NR1H4: variants seen among roughly 807,000 people sequenced by gnomAD.
The protein encoded by NR1H4 is bile acid receptor.
A neutral mutation model predicts 58.5 loss-of-function variants in NR1H4; 23 were observed. The ratio of observed to expected loss-of-function variants is 0.39; its 90% confidence interval spans 0.28 to 0.56. The LOEUF is 0.56. Ranked by LOEUF, NR1H4 falls within the 20% of genes least tolerant of loss-of-function variation. The pLI is 0.58. For synonymous variants in NR1H4, 214 were observed against 198.0 expected (o/e 1.08, Z -0.68); for missense variants, 487 against 576.9 (o/e 0.84, Z 1.60).
chr12:100,495,000 A>C (rs1829293323), intron 3 of NR1H4, among the ~76,000 whole-genome samples: 1 of 152,240 alleles, frequency 6.6e-6, no homozygotes, highest in Non-Finnish European at 1.5e-5. Flanking sequence ...ATTTTCAGCC[A>C]GCACAGAAGA....
At chr12:100,544,231 G>C (rs1406561970) in intron 9 of NR1H4, among the ~76,000 whole-genome samples, 1 of 129,588 alleles carries the variant, frequency 7.7e-6, no homozygotes, top group Non-Finnish European at 1.5e-5. Context: ...CAGCCTGGGG[G>C]ACAGAGTGAG....
At chr12:100,555,050 C>G (rs566667232) in intron 9 of NR1H4, among the ~76,000 whole-genome samples, 26 of 152,258 alleles carry the variant, frequency 1.7e-4, no homozygotes, top group Non-Finnish European at 2.9e-4. Flanking sequence ...AAACTTTAAC[C>G]TTATTTTCCC....
At chr12:100,502,684 G>A (rs1002430332) in intron 3 of NR1H4, among the ~76,000 whole-genome samples, 6 of 152,290 alleles carry the variant, frequency 3.9e-5, no homozygotes, top group African/African-American at 1.2e-4. Flanking sequence ...TTACAATGGT[G>A]TGAAATAGAC....
chr12:100,527,374 A>G (rs1462846648), intron 4 of NR1H4, among the ~76,000 whole-genome samples: 2 of 152,138 alleles, frequency 1.3e-5, no homozygotes, highest in African/African-American at 2.4e-5. Context: ...TAAAAAATTA[A>G]AAATTATTAA....
chr12:100,522,956 T>C (rs904070252), intron 4 of NR1H4, among the ~76,000 whole-genome samples: 1 of 152,224 alleles, frequency 6.6e-6, no homozygotes, highest in African/African-American at 2.4e-5. Context: ...CACTCATTGG[T>C]TGATGGGCAC....
At chr12:100,489,838 CT>C (rs947185136) in intron 1 of NR1H4, among the ~76,000 whole-genome samples, 3 of 151,378 alleles carry the variant, frequency 2.0e-5, no homozygotes, top group Admixed American at 1.3e-4. Context: ...AATTTAGTTT[CT>C]TTTTTTTTAA....
At chr12:100,491,159 G>A (rs1342105492) in intron 1 of NR1H4, among the ~76,000 whole-genome samples, 4 of 151,932 alleles carry the variant, frequency 2.6e-5, no homozygotes, top group Non-Finnish European at 4.4e-5. Flanking sequence ...CTCCCTCCCC[G>A]ACAACACCCC....
intron 9 of NR1H4, among the ~76,000 whole-genome samples, chr12:100,542,366 G>A (rs1324938454): frequency 6.6e-6 from 1 of 152,006 alleles, no homozygotes; most frequent in Admixed American, 6.6e-5. Context: ...GAAGCTTTGT[G>A]TCTTAACCAC....
At chr12:100,483,504 G>A (rs1012866931) in intron 1 of NR1H4, among the ~76,000 whole-genome samples, 12 of 152,026 alleles carry the variant, frequency 7.9e-5, no homozygotes, top group South Asian at 2.1e-4. Flanking sequence ...ATATTGGCTC[G>A]CAGCCATCCT....
intron 4 of NR1H4, among the ~76,000 whole-genome samples, chr12:100,524,187 A>C (rs1247035980): frequency 6.6e-6 from 1 of 152,238 alleles, no homozygotes; most frequent in Non-Finnish European, 1.5e-5. Flanking sequence ...AACGTCTTAA[A>C]GCATAAATTA....
At chr12:100,552,315 A>G (rs979776351) in intron 9 of NR1H4, among the ~76,000 whole-genome samples, 7 of 152,212 alleles carry the variant, frequency 4.6e-5, no homozygotes, top group Non-Finnish European at 1.0e-4. Context: ...TAAATTAAAT[A>G]TTTTATACTT....
intron 3 of NR1H4, among the ~76,000 whole-genome samples, chr12:100,504,934 G>A (rs1566439928): frequency 6.6e-6 from 1 of 152,188 alleles, no homozygotes; most frequent in Non-Finnish European, 1.5e-5. Context: ...CCACCTGGGG[G>A]AACTGGGGCA....
At chr12:100,516,557 A>G (rs1431366929) in intron 4 of NR1H4, among the ~76,000 whole-genome samples, 2 of 152,030 alleles carry the variant, frequency 1.3e-5, no homozygotes, top group African/African-American at 4.8e-5. Context: ...TAGTAGAGAC[A>G]GGGTTTCACC....
intron 6 of NR1H4, among the ~76,000 whole-genome samples, 173 bp from the exon 7 acceptor site, chr12:100,536,339 T>C (rs990828611): frequency 6.6e-6 from 1 of 152,084 alleles, no homozygotes; most frequent in East Asian, 1.9e-4. Context: ...ATGGCCTGCC[T>C]GAGGACCCAG....
chr12:100,541,590 CT>C (rs1033777560), intron 9 of NR1H4, among the ~76,000 whole-genome samples: 5 of 146,164 alleles, frequency 3.4e-5, no homozygotes, highest in East Asian at 2.0e-4. Context: ...CTAAAGTTAA[CT>C]TTTTTTTTCT....
rs201154816 is a variant in NR1H4, at chr12:100,511,590, GAGAA to G, written c.445+455_445+458del. On this transcript the variant is annotated intron_variant, in intron 4 of 10. Coordinates refer to ENST00000392986, the MANE Select transcript of NR1H4 (RefSeq NM_001206979.2). Reference sequence around the variant, plus strand: ...ATGTACTTTAGTTAATTGAGAAAGAGAGAAAGAAAGAGCCAAGTAATAATAGCTT... The same window carrying G: ...ATGTACTTTAGTTAATTGAGAAAGAGAGAAAGAGCCAAGTAATAATAGCTT... Among the ~76,000 whole-genome samples the G allele has an allele frequency of 7.5e-3, 1,148 of 152,240 alleles. 14 individuals are homozygous for G. Among genetic ancestry groups the G allele is most frequent in the African/African-American group, 0.026 (1,094 of 41,534 alleles).
At chr12:100,505,949 A>T (rs1024593374) in intron 3 of NR1H4, 4 of 265,038 alleles carry the variant, frequency 1.5e-5, no homozygotes, top group African/African-American at 6.8e-5. Flanking sequence ...GTGTCTTTTC[A>T]CTTTCATATG....
chr12:100,480,462 A>G (rs986361450), intron 1 of NR1H4, among the ~76,000 whole-genome samples: 3 of 152,308 alleles, frequency 2.0e-5, no homozygotes, highest in East Asian at 1.9e-4. Flanking sequence ...AAACATTTCT[A>G]TCTTCCAAGT....
chr12:100,536,762 A>G, intron 7 of NR1H4, 152 bp downstream of exon 7: 1 of 678,666 alleles, frequency 1.5e-6, no homozygotes, highest in Non-Finnish European at 2.6e-6. Context: ...AGCAACATTA[A>G]ACAATTCAAG....
Sources: gnomAD v4.1 joint callset for allele counts (sites outside exome capture counted in the v4.1 genomes callset) on GRCh38, gnomAD v4.1.1 for gene constraint, MANE v1.5 for transcripts, NCBI Gene and HGNC (gene_info 2026-07-23, HGNC 2026-07-21) for gene names.